The following MEF2C variants were observed in gnomAD, a reference collection of about 807,000 sequenced individuals.
MEF2C encodes the protein myocyte-specific enhancer factor 2C.
In MEF2C, 6 loss-of-function variants were observed where a neutral mutation model predicts 50.5. That is an observed-to-expected ratio of 0.12 (90% CI 0.07 to 0.23). The LOEUF is 0.23. MEF2C is among the 10% of genes least tolerant of loss of function. The pLI, the probability that MEF2C is intolerant of heterozygous loss-of-function variation, is 1.00. For missense variants in MEF2C, 276 were observed against 605.0 expected (o/e 0.46, Z 5.70); for synonymous variants, 183 against 228.0 (o/e 0.80, Z 1.78).
intron 2 of MEF2C, among the ~76,000 whole-genome samples, chr5:88,805,557 C>T (rs1024333244): frequency 1.3e-5 from 2 of 152,156 alleles, no homozygotes; most frequent in African/African-American, 4.8e-5. Context: ...CAATTTTGGA[C>T]AGCCTAGCAG....
chr5:88,761,158 A>C (rs1777682305), intron 4 of MEF2C, 27 bp downstream of exon 4: 10 of 1,614,012 alleles, frequency 6.2e-6, no homozygotes, highest in Non-Finnish European at 7.6e-6. Context: ...AAGAGTAAAA[A>C]AAATGAAGGG....
chr5:88,846,628 T>C (rs1819456437), intron 1 of MEF2C, among the ~76,000 whole-genome samples: 1 of 152,238 alleles, frequency 6.6e-6, no homozygotes, highest in African/African-American at 2.4e-5. Context: ...AGATTACCTG[T>C]AATGCCGCCA....
chr5:88,731,998 G>T lies in MEF2C; in HGVS notation c.638-97C>A, dbSNP rs536832760. The T allele has an allele frequency of 1.1e-5, 12 of 1,135,864 alleles. No homozygotes were observed. In the Admixed American group the frequency reaches 2.4e-4, roughly 23 times the overall value. The allele number at this position is 1,135,864 out of a possible 1,614,324, so 70.4% of individuals were successfully genotyped here. On this transcript the variant is annotated intron_variant, in intron 6 of 10. Coordinates refer to ENST00000504921, the MANE Select transcript of MEF2C (RefSeq NM_002397.5). The stretch of plus-strand genomic sequence containing the variant: ...TGAGAATAAAAACAAAAGCTTAATG[G>T]TAAGACGTACATTGCAAAACCATAG...
intron 1 of MEF2C, among the ~76,000 whole-genome samples, chr5:88,873,897 T>C (rs959544182): frequency 2.6e-5 from 4 of 151,870 alleles, no homozygotes; most frequent in Non-Finnish European, 5.9e-5. Flanking sequence ...ATTTGTTAGA[T>C]TTCATTTAGT....
At chr5:88,744,685 TACTA>T (rs1368901938) in intron 6 of MEF2C, among the ~76,000 whole-genome samples, 2 of 152,376 alleles carry the variant, frequency 1.3e-5, no homozygotes, top group South Asian at 2.1e-4. Flanking sequence ...AAGTCACTGT[TACTA>T]ACTAATGTAT....
At chr5:88,743,185 C>T (rs1231211817) in intron 6 of MEF2C, 11 of 948,670 alleles carry the variant, frequency 1.2e-5, no homozygotes, top group Non-Finnish European at 1.4e-5. Flanking sequence ...AATTAGTTTT[C>T]TTATTTGAGG....
chr5:88,840,211 C>G (rs1816821518), intron 1 of MEF2C, among the ~76,000 whole-genome samples: 1 of 152,192 alleles, frequency 6.6e-6, no homozygotes, highest in African/African-American at 2.4e-5. Flanking sequence ...CTCTCACTCT[C>G]AGGAAATTCT....
intron 3 of MEF2C, chr5:88,780,872 T>C: frequency 1.0e-6 from 1 of 985,344 alleles, no homozygotes; most frequent in South Asian, 4.7e-5. Context: ...TCTCGTTCTT[T>C]CACTTTCTCT....
chr5:88,779,775 A>G (rs368183977), intron 3 of MEF2C, among the ~76,000 whole-genome samples: 3 of 80,382 alleles, frequency 3.7e-5, no homozygotes, highest in African/African-American at 1.3e-4. Context: ...TTTTTTTTTT[A>G]TGTTACAATG....
chr5:88,877,574 A>G (rs1831450195), intron 1 of MEF2C, among the ~76,000 whole-genome samples: 4 of 152,028 alleles, frequency 2.6e-5, no homozygotes, highest in South Asian at 4.1e-4. Context: ...TTTCTTTCAC[A>G]GACAAAAATA....
intron 3 of MEF2C, among the ~76,000 whole-genome samples, chr5:88,762,144 G>A (rs1394110561): frequency 6.6e-6 from 1 of 152,178 alleles, no homozygotes; most frequent in Non-Finnish European, 1.5e-5. Context: ...ACACATGAAA[G>A]TAAAAAGTCA....
intron 2 of MEF2C, among the ~76,000 whole-genome samples, chr5:88,814,318 G>C (rs1043293061): frequency 7.0e-6 from 1 of 142,374 alleles, no homozygotes; most frequent in African/African-American, 2.6e-5. Context: ...CAGTGCCTCT[G>C]CAGACTTGTG....
At chr5:88,886,034 A>C (rs192623952), upstream of MEF2C, among the ~76,000 whole-genome samples, 6 of 152,324 alleles carry the variant, frequency 3.9e-5, 1 homozygote, top group East Asian at 1.2e-3. Flanking sequence ...CCCACACTGG[A>C]TAATTTGAAA....
chr5:88,827,598 A>C (rs1811414062), intron 1 of MEF2C, among the ~76,000 whole-genome samples: 1 of 151,930 alleles, frequency 6.6e-6, no homozygotes, highest in Admixed American at 6.6e-5. Flanking sequence ...ACCTGAGAAA[A>C]ATTCATGTCA....
At chr5:88,729,694 A>T (rs1036712500) in intron 8 of MEF2C, among the ~76,000 whole-genome samples, 8 of 152,178 alleles carry the variant, frequency 5.3e-5, no homozygotes, top group African/African-American at 1.9e-4. Context: ...TTAAAAAAAA[A>T]TTAAAATCAA....
rs1460180013 is a variant in MEF2C, at chr5:88,749,085, C to T, written c.622G>A (p.Ala208Thr). The T allele has an allele frequency of 1.3e-6, 2 of 1,575,186 alleles. No individual in the cohort carries two copies. The highest frequency in any genetic ancestry group is 1.8e-5 in the Admixed American group (1 of 54,084). Reference protein sequence around the residue: ...GLMGGDLTSGAGTSAGNGYGN... With the variant: ...GLMGGDLTSGTGTSAGNGYGN... ...CTGGGCTTACCTGCACTGGTGCCTG[C>T]ACCAGACGTGAGGTCTCCACCCATC... The change falls in exon 6 of 11, where the codon GCA becomes ACA. Residue 208 changes from alanine to threonine, a missense_variant. This residue lies in a region of MEF2C where 256 missense variants were observed against 468.1 expected (regional missense o/e 0.55). Transcript: ENST00000504921.
chr5:88,855,268 T>C (rs1020102171), intron 1 of MEF2C, among the ~76,000 whole-genome samples: 2 of 152,236 alleles, frequency 1.3e-5, no homozygotes, highest in African/African-American at 4.8e-5. Flanking sequence ...TTTATTTTCT[T>C]AAATAATTTG....
At position 88,720,313 on chromosome 5, in the gene MEF2C, G is replaced by A. The variant is rs1264119369; in HGVS notation, c.*2291C>T. ...GTTCCATGGATACCTTGAGTAGTGGGATATATATGAAATGGTTGATAGATT... is the reference window on the plus strand; with the variant it reads ...GTTCCATGGATACCTTGAGTAGTGGAATATATATGAAATGGTTGATAGATT... On this transcript the variant is annotated 3_prime_UTR_variant, in exon 11 of 11. Transcript: ENST00000504921. 6.7e-6 allele frequency: 1 copy of A among 150,280 alleles called. No individual in the cohort carries two copies. The highest frequency in any genetic ancestry group is 1.5e-5 in the Non-Finnish European group (1 of 67,554). 9.3% of individuals were successfully genotyped at this position (150,280 alleles called of 1,614,324 possible).
intron 3 of MEF2C, chr5:88,766,621 T>G (rs772081567): frequency 2.3e-4 from 229 of 984,468 alleles, no homozygotes; most frequent in Non-Finnish European, 2.6e-4. Flanking sequence ...ATGTATATTT[T>G]CATCATCATC....
Sources: allele counts gnomAD v4.1 joint callset (sites outside exome capture counted in the v4.1 genomes callset), GRCh38; gene constraint gnomAD v4.1.1; regional missense constraint gnomAD v4.1.1; transcripts MANE v1.5; gene names NCBI Gene and HGNC (gene_info 2026-07-23, HGNC 2026-07-21).